CMYA5: variants seen among roughly 807,000 people sequenced by gnomAD.
CMYA5 encodes cardiomyopathy associated 5, also known as cardiomyopathy-associated protein 5.
Under a neutral mutation model 318.9 loss-of-function variants are expected in CMYA5, and 246 were observed. The ratio of observed to expected loss-of-function variants is 0.77; its 90% CI spans 0.70 to 0.86. The LOEUF (loss-of-function observed/expected upper bound fraction) is 0.86, where lower values mean the gene tolerates loss of function less well. Ranked by LOEUF, CMYA5 falls within the 40% of genes least tolerant of loss-of-function variation. The pLI, the probability that CMYA5 is intolerant of heterozygous loss-of-function variation, is 0.00. For missense variants in CMYA5, 4,589 were observed against 4,678.2 expected (o/e 0.98, Z 0.56); for synonymous variants, 1,641 against 1,729.5 (o/e 0.95, Z 1.27).
chr5:79,703,678 T>C (rs982790858), intron 1 of CMYA5, among the ~76,000 whole-genome samples: 1 of 152,184 alleles, frequency 6.6e-6, no homozygotes, highest in African/African-American at 2.4e-5. Flanking sequence ...AAGTTGGAAA[T>C]GGAGGCAGAG....
At chr5:79,794,444 T>C (rs957874956) in intron 12 of CMYA5, among the ~76,000 whole-genome samples, 2 of 152,200 alleles carry the variant, frequency 1.3e-5, no homozygotes, top group South Asian at 2.1e-4. Context: ...GCTCACAGTA[T>C]GGTTTAATAG....
Position 79,799,697 on chromosome 5 carries a change from T to G in CMYA5, c.*81T>G, listed in dbSNP as rs550106074. 4.1e-5 allele frequency: 61 copies of G among 1,482,332 alleles called. No individual in the cohort carries two copies. In the African/African-American group the frequency reaches 8.0e-4, roughly 20 times the overall value. The allele number at this position is 1,482,332 out of a possible 1,614,324, so 91.8% of individuals were successfully genotyped here. On this transcript the variant is annotated 3_prime_UTR_variant, in exon 13 of 13. Coordinates refer to ENST00000446378, the MANE Select transcript of CMYA5 (RefSeq NM_153610.5). Reference sequence around the variant, plus strand: ...GTTCATTCCTTTAGGTGCTATACATTATTCAAAAAGTCTCCCGCGCATTTG... The same window carrying G: ...GTTCATTCCTTTAGGTGCTATACATGATTCAAAAAGTCTCCCGCGCATTTG...
rs768820099 is a variant in CMYA5 at position 79,731,008 on chromosome 5, CT to C, written c.2244del (p.Ala749LeufsTer38). The C allele has an allele frequency of 6.2e-7, 1 of 1,614,026 alleles. No individual in the cohort carries two copies. Among genetic ancestry groups the C allele is most frequent in the South Asian group, 1.1e-5 (1 of 91,084 alleles). On this transcript the variant is annotated frameshift_variant, in exon 2 of 13. Coordinates refer to ENST00000446378, the MANE Select transcript of CMYA5 (RefSeq NM_153610.5). LOFTEE classifies it high-confidence loss of function. ...DTGSFTPAVA[P>X]ASEPSLSPST... The stretch of plus-strand genomic sequence containing the variant: ...GGATCGTTTACTCCAGCTGTGGCCC[CT>C]GCTTCTGAGCCCTCTCTCTCACCAT...
At chr5:79,707,360 T>A (rs895414763) in intron 1 of CMYA5, among the ~76,000 whole-genome samples, 21 of 152,206 alleles carry the variant, frequency 1.4e-4, no homozygotes, top group African/African-American at 5.1e-4. Context: ...TTTGAACACA[T>A]AATACACACT....
At chr5:79,773,727 G>A (rs1828893334) in intron 9 of CMYA5, among the ~76,000 whole-genome samples, 1 of 151,932 alleles carries the variant, frequency 6.6e-6, no homozygotes, top group Admixed American at 6.6e-5. Flanking sequence ...TGAATGAAGG[G>A]GATTAACCAA....
intron 9 of CMYA5, among the ~76,000 whole-genome samples, chr5:79,772,510 G>A (rs1828874036): frequency 6.6e-6 from 1 of 152,172 alleles, no homozygotes. Context: ...TCCCTGCTGA[G>A]TCTGACAATA....
At position 79,731,380 on chromosome 5, in the gene CMYA5, T is replaced by C. The variant is rs755061216; in HGVS notation, c.2615T>C (p.Leu872Pro). The change falls in exon 2 of 13, where the codon CTT becomes CCT. Residue 872 changes from leucine to proline, a missense_variant. Physicochemically the swap from Leu to Pro is moderately conservative, Grantham distance 98. Transcript: ENST00000446378. The part of the protein sequence containing the change: ...EMTSECQAPP[L>P]SATPSEYVVL... ...ACTTCTGAATGCCAGGCCCCACCAC[T>C]TTCAGCCACCCCATCTGAATATGTT... 1 of 1,613,764 alleles carries C rather than the reference T, an allele frequency of 6.2e-7. No individual in the cohort carries two copies. Among genetic ancestry groups the C allele is most frequent in the Non-Finnish European group, 8.5e-7 (1 of 1,179,842 alleles).
rs532995437 is a variant in CMYA5 at position 79,703,448 on chromosome 5, G to T, written c.149+13392G>T. On this transcript the variant is annotated intron_variant, in intron 1 of 12. Transcript: ENST00000446378. ...AATATGACCTGTCTTACACACCTTG[G>T]TATTTCTGCTTTGAGGTTTCAAAAC... is the stretch of plus-strand genomic sequence containing the variant. Among the ~76,000 whole-genome samples, 5 of 152,256 alleles carry T rather than the reference G, an allele frequency of 3.3e-5. No homozygotes were observed. In the East Asian group the frequency reaches 9.7e-4, roughly 29 times the overall value.
rs758211911 is a variant in CMYA5, at chr5:79,732,235, C to T, written c.3470C>T (p.Ser1157Leu). The T allele has an allele frequency of 1.7e-5, 27 of 1,613,796 alleles. No individual in the cohort carries two copies. In the South Asian group the frequency reaches 2.0e-4, roughly 12 times the overall value. ...ATACCTGCTGCTTTACCTGCACAAT[C>T]ATCTATAGTAAAGGAAGAAACCAAA... Reference protein sequence around the residue: ...AAIPAALPAQSSIVKEETKPA... With the variant: ...AAIPAALPAQLSIVKEETKPA... The change falls in exon 2 of 13, where the codon TCA (serine) becomes TTA (leucine). Residue 1157 changes from serine (S) to leucine (L), a missense_variant. Around this residue, in one of 3 missense-constraint regions of CMYA5, gnomAD observed 2,132 missense variants for 2,131.3 expected, o/e 1.00. Coordinates refer to ENST00000446378, the MANE Select transcript of CMYA5 (RefSeq NM_153610.5).
chr5:79,729,538 A>G lies in CMYA5; in HGVS notation c.773A>G (p.His258Arg), dbSNP rs1827828293. Residue 258 changes from histidine to arginine, a missense_variant, in exon 2 of 13, where the codon CAT (histidine) becomes CGT (arginine). Transcript: ENST00000446378. Reference protein sequence around the residue: ...LPKGYVIKEIHYRKGKDASIS... With the variant: ...LPKGYVIKEIRYRKGKDASIS... ...AAGGGTTATGTAATTAAAGAAATAC[A>G]TTATAGGAAAGGGAAAGATGCATCC... The G allele has an allele frequency of 6.2e-7, 1 of 1,613,276 alleles. No homozygotes were observed. Among genetic ancestry groups the G allele is most frequent in the Non-Finnish European group, 8.5e-7 (1 of 1,179,288 alleles).
intron 10 of CMYA5, among the ~76,000 whole-genome samples, chr5:79,789,784 A>G (rs1158277819): frequency 6.6e-6 from 1 of 152,062 alleles, no homozygotes; most frequent in Non-Finnish European, 1.5e-5. Context: ...TGGTGTGTGT[A>G]TGTGTGGTAG....
chr5:79,691,376 A>G (rs1826967733), intron 1 of CMYA5, among the ~76,000 whole-genome samples: 1 of 152,222 alleles, frequency 6.6e-6, no homozygotes, highest in Admixed American at 6.5e-5. Context: ...ACCACAATTT[A>G]CAACCAAGAG....
chr5:79,731,038 C>T lies in CMYA5; in HGVS notation c.2273C>T (p.Thr758Ile), dbSNP rs1212297424. Reference sequence around the variant, plus strand: ...TCTGAGCCCTCTCTCTCACCATCCACAACCGAAAAGACTTCTGAATGCCAG... The same window carrying T: ...TCTGAGCCCTCTCTCTCACCATCCATAACCGAAAAGACTTCTGAATGCCAG... ...PASEPSLSPS[T>I]TEKTSECQSP... The change falls in exon 2 of 13, where the codon ACA becomes ATA. Residue 758 changes from threonine to isoleucine, a missense_variant. Physicochemically the swap from Thr to Ile is moderately conservative, Grantham distance 89. This residue lies in a region of CMYA5 where 2,132 missense variants were observed against 2,131.3 expected (regional missense o/e 1.00). Coordinates refer to ENST00000446378, the MANE Select transcript of CMYA5 (RefSeq NM_153610.5). The T allele has an allele frequency of 6.2e-7, 1 of 1,613,904 alleles. No homozygotes were observed. The highest frequency in any genetic ancestry group is 8.5e-7 in the Non-Finnish European group (1 of 1,179,910).
chr5:79,729,800 T>C lies in CMYA5; in HGVS notation c.1035T>C (p.Tyr345=), dbSNP rs1343512401. 1.2e-6 allele frequency: 2 copies of C among 1,613,832 alleles called. No homozygotes were observed. Among genetic ancestry groups the C allele is most frequent in the East Asian group, 2.2e-5 (1 of 44,864 alleles). ...CATTGGAGCACACAGTTCCCTCTTA[T>C]TCAAGTAGTGGCAGAGCAGAACAAG... ...TSALEHTVPS[Y]SSSGRAEQGI... is the part of the protein sequence containing the mutation. Residue 345 remains tyrosine, a synonymous_variant, in exon 2 of 13, where the codon TAT becomes TAC. Transcript: ENST00000446378.
At position 79,799,658 on chromosome 5, in the gene CMYA5, TG is replaced by T. The variant is rs770351714; in HGVS notation, c.*49del. On this transcript the variant is annotated 3_prime_UTR_variant, in exon 13 of 13. Transcript: ENST00000446378. ...TTTGCAAGAACAGCGATTTGAATTTTGGGGGGGTCTGCTGTTCATTCCTTTA... is the reference window on the plus strand; with the variant it reads ...TTTGCAAGAACAGCGATTTGAATTTTGGGGGGTCTGCTGTTCATTCCTTTA... 1.9e-6 allele frequency: 3 copies of T among 1,573,958 alleles called. No homozygotes were observed. Among genetic ancestry groups the T allele is most frequent in the Middle Eastern group, 1.7e-4 (1 of 5,942 alleles).
At chr5:79,754,811 A>G (rs1257103210) in intron 6 of CMYA5, among the ~76,000 whole-genome samples, 1 of 152,198 alleles carries the variant, frequency 6.6e-6, no homozygotes, top group Non-Finnish European at 1.5e-5. Flanking sequence ...CTCTATATCC[A>G]TTAAACACTA....
chr5:79,798,587 G>T (rs913163350), intron 12 of CMYA5, among the ~76,000 whole-genome samples: 12 of 152,208 alleles, frequency 7.9e-5, no homozygotes, highest in Non-Finnish European at 4.4e-5. Context: ...ACCCTGAGAG[G>T]CATTCCCAGC....
chr5:79,785,584 T>C (rs939430575), intron 9 of CMYA5, among the ~76,000 whole-genome samples: 4 of 152,162 alleles, frequency 2.6e-5, no homozygotes, highest in African/African-American at 9.7e-5. Context: ...AGTTGTTATT[T>C]GTATATAAAG....
At chr5:79,769,408 A>T (rs1828814950) in intron 9 of CMYA5, among the ~76,000 whole-genome samples, 1 of 151,930 alleles carries the variant, frequency 6.6e-6, no homozygotes, top group African/African-American at 2.4e-5. Flanking sequence ...GCCTTTTTGC[A>T]CTGGTTTTTC....
Sources: gnomAD v4.1 joint callset for allele counts (sites outside exome capture counted in the v4.1 genomes callset) on GRCh38, gnomAD v4.1.1 for gene constraint, gnomAD v4.1.1 regional missense constraint, MANE v1.5 for transcripts, NCBI Gene and HGNC (gene_info 2026-07-23, HGNC 2026-07-21) for gene names.